SMURF1: variants seen among roughly 807,000 people sequenced by gnomAD.
SMURF1 encodes SMAD specific E3 ubiquitin protein ligase 1.
A neutral mutation model predicts 98.0 loss-of-function variants in SMURF1; 44 were observed. The observed-to-expected ratio is 0.45, with a 90% CI of 0.35 to 0.58. The LOEUF (loss-of-function observed/expected upper bound fraction) is 0.58. SMURF1 is among the 20% of genes least tolerant of loss of function. The pLI, the probability that SMURF1 is intolerant of heterozygous loss-of-function variation, is 0.00. For synonymous variants in SMURF1, 396 were observed against 374.9 expected, an observed-to-expected ratio of 1.06 and a Z score of -0.65; for missense variants, 687 against 938.4, an observed-to-expected ratio of 0.73 and a Z score of 3.50.
intron 11 of SMURF1, 143 bp downstream of exon 11, chr7:99,045,555 A>C: frequency 1.6e-6 from 1 of 638,352 alleles, no homozygotes; most frequent in Non-Finnish European, 2.8e-6. Flanking sequence ...GGCTGAAGCC[A>C]GTGCATGATG....
rs1175863268 is a variant in SMURF1, at chr7:99,042,210, G to A, written c.1279C>T (p.His427Tyr). ...VAREWLYLLC[H>Y]EMLNPYYGLF... ...CCGTAATAAGGATTCAGCATTTCAT[G>A]GCACAGCAAGTAAAGCCACTCCCTG... The change falls in exon 12 of 18, where the codon CAT becomes TAT. Residue 427 changes from histidine (H) to tyrosine (Y), a missense_variant. His to Tyr is a moderately conservative substitution (Grantham distance 83). Coordinates refer to ENST00000361368, the MANE Select transcript of SMURF1 (RefSeq NM_181349.3). 6.2e-7 allele frequency: 1 copy of A among 1,613,612 alleles called. No homozygotes were observed. Among genetic ancestry groups the A allele is most frequent in the Non-Finnish European group, 8.5e-7 (1 of 1,179,842 alleles).
rs1255476219 is a variant in SMURF1 at position 99,047,787 on chromosome 7, C to T, written c.1049G>A (p.Arg350Lys). Residue 350 changes from arginine (R) to lysine (K), a missense_variant, in exon 10 of 18, where the codon AGA becomes AAA. Physicochemically the swap from Arg to Lys is conservative, Grantham distance 26. Transcript: ENST00000361368. ...DEELPAQRYE[R>K]DLVQKLKVLR... is the part of the protein sequence containing the mutation. The stretch of plus-strand genomic sequence containing the variant: ...GACTTTCAGCTTCTGGACTAGATCT[C>T]TTTCGTATCTCTGGGCAGGAAGCTC... 11 of 1,614,194 alleles carry T rather than the reference C, an allele frequency of 6.8e-6. No individual in the cohort carries two copies. The highest frequency in any genetic ancestry group is 7.6e-6 in the Non-Finnish European group (9 of 1,180,038).
intron 1 of SMURF1, among the ~76,000 whole-genome samples, chr7:99,106,076 AT>A (rs566350605): frequency 4.6e-5 from 7 of 152,190 alleles, no homozygotes; most frequent in Non-Finnish European, 1.0e-4. Flanking sequence ...TACTTCTGTG[AT>A]TCTCTTCACC....
chr7:99,084,048 T>G (rs1004090159), intron 1 of SMURF1, among the ~76,000 whole-genome samples: 2 of 152,238 alleles, frequency 1.3e-5, no homozygotes, highest in African/African-American at 4.8e-5. Flanking sequence ...GTGAAGAAAC[T>G]ATCAGTCTAA....
At chr7:99,088,397 T>C (rs908943625) in intron 1 of SMURF1, among the ~76,000 whole-genome samples, 7 of 152,104 alleles carry the variant, frequency 4.6e-5, no homozygotes, top group African/African-American at 1.7e-4. Flanking sequence ...TCCACCTCCT[T>C]TACCCCTGCG....
chr7:99,030,115 TGATAA>T lies in SMURF1; in HGVS notation c.*464_*468del, dbSNP rs376105275. 1 of 156,660 alleles carries T rather than the reference TGATAA, an allele frequency of 6.4e-6. No homozygotes were observed. Among genetic ancestry groups the T allele is most frequent in the South Asian group, 1.9e-4 (1 of 5,192 alleles). The allele number at this position is 156,660 out of a possible 1,614,324, so 9.7% of individuals were successfully genotyped here. A position where few individuals can be genotyped will look rare whatever the true frequency, so the allele number is the denominator to read the frequency against. On this transcript the variant is annotated 3_prime_UTR_variant, in exon 18 of 18. Transcript: ENST00000361368. ...GATGTGAAATCTGGAATCTGAGCTC[TGATAA>T]GATATCTAGCAGCTGCTCAAATTGA...
chr7:99,041,791 G>A (rs577325851), intron 12 of SMURF1, among the ~76,000 whole-genome samples: 30 of 152,292 alleles, frequency 2.0e-4, no homozygotes, highest in Non-Finnish European at 3.2e-4. Context: ...GCTGGACTTC[G>A]GAACCTACTC....
chr7:99,042,307 TCTCA>T (rs1795416748), intron 11 of SMURF1, 75 bp from the exon 12 acceptor site: 2 of 968,632 alleles, frequency 2.1e-6, no homozygotes, highest in Admixed American at 2.0e-5. Context: ...TGAGATGGAG[TCTCA>T]CTCTGTCGCC....
At chr7:99,069,452 G>A (rs543559997) in intron 1 of SMURF1, among the ~76,000 whole-genome samples, 1 of 152,182 alleles carries the variant, frequency 6.6e-6, no homozygotes, top group East Asian at 1.9e-4. Context: ...TCGAACTCCT[G>A]GGCTCCAGTG....
At chr7:99,035,363 C>T (rs970764707) in intron 16 of SMURF1, 152 bp downstream of exon 16, 32 of 988,206 alleles carry the variant, frequency 3.2e-5, no homozygotes, top group Admixed American at 4.8e-5. Flanking sequence ...AGGTAACCAC[C>T]TCTGTAGGGC....
chr7:99,041,281 G>C (rs1795370147), intron 12 of SMURF1, among the ~76,000 whole-genome samples: 1 of 151,966 alleles, frequency 6.6e-6, no homozygotes, highest in African/African-American at 2.4e-5. Context: ...AGGGGTCTGT[G>C]ATCCCAGCTA....
intron 1 of SMURF1, among the ~76,000 whole-genome samples, chr7:99,119,929 C>A (rs117515999): frequency 6.6e-6 from 1 of 152,130 alleles, no homozygotes; most frequent in Non-Finnish European, 1.5e-5. Flanking sequence ...CATGGTGATA[C>A]GGTTTGGATA....
intron 16 of SMURF1, among the ~76,000 whole-genome samples, chr7:99,035,002 C>T (rs928875400): frequency 1.3e-5 from 2 of 152,230 alleles, no homozygotes; most frequent in Non-Finnish European, 2.9e-5. Context: ...GACATTAGGC[C>T]GCCTGCCCTA....
rs71118659 is a variant in SMURF1, at chr7:99,113,837, T to TAA, written c.55+29887_55+29888dup. Reference sequence around the variant, plus strand: ...CTGGGTGACAAAGTGAGACTCCGTCTAAAAAAAAAAAAAAAAAAAAAAAAA... The same window carrying TAA: ...CTGGGTGACAAAGTGAGACTCCGTCTAAAAAAAAAAAAAAAAAAAAAAAAAAA... On this transcript the variant is annotated intron_variant, in intron 1 of 17. Transcript: ENST00000361368. Among the ~76,000 whole-genome samples the TAA allele has an allele frequency of 3.1e-3, 105 of 33,974 alleles. 4 individuals are homozygous for TAA. Among genetic ancestry groups the TAA allele is most frequent in the Non-Finnish European group, 4.4e-3 (92 of 21,142 alleles). 22.3% of individuals were successfully genotyped at this position (33,974 alleles called of 152,430 possible).
At chr7:99,056,092 T>C (rs1795869997) in intron 5 of SMURF1, among the ~76,000 whole-genome samples, 1 of 152,238 alleles carries the variant, frequency 6.6e-6, no homozygotes. Flanking sequence ...GTTACTCATT[T>C]TTCTCCCTGG....
intron 1 of SMURF1, among the ~76,000 whole-genome samples, chr7:99,126,646 C>T (rs775537842): frequency 5.3e-5 from 8 of 151,838 alleles, no homozygotes; most frequent in African/African-American, 9.7e-5. Flanking sequence ...CAGAGCGAGA[C>T]GCCATCTCAG....
At chr7:99,116,210 AT>A (rs202079441) in intron 1 of SMURF1, among the ~76,000 whole-genome samples, 8 of 146,842 alleles carry the variant, frequency 5.4e-5, no homozygotes, top group Admixed American at 2.8e-4. Flanking sequence ...GATGCAGAAC[AT>A]TTTTTTTGAC....
intron 1 of SMURF1, among the ~76,000 whole-genome samples, chr7:99,063,259 ATATATATATATATAT>A (rs1796094953): frequency 1.6e-4 from 1 of 6,310 alleles, no homozygotes; most frequent in Non-Finnish European, 4.0e-4. Context: ...ATATATATAT[ATATATATATATATAT>A]ATATATATAT....
At position 99,078,418 on chromosome 7, in the gene SMURF1, A is replaced by G. The variant is rs1341895432; in HGVS notation, c.56-16581T>C. ...GGACTGCCTCTTCTTTGCTATACCA[A>G]TAGTAATGACAGAATAGATATTTAA... On this transcript the variant is annotated intron_variant, in intron 1 of 17. Transcript: ENST00000361368. Among the ~76,000 whole-genome samples the G allele has an allele frequency of 2.0e-5, 3 of 152,214 alleles. 1 individual carries two copies. The highest frequency in any genetic ancestry group is 6.5e-5 in the Admixed American group (1 of 15,286).
Sources: gnomAD v4.1 joint callset for allele counts (sites outside exome capture counted in the v4.1 genomes callset) on GRCh38, gnomAD v4.1.1 for gene constraint, MANE v1.5 for transcripts, NCBI Gene and HGNC (gene_info 2026-07-23, HGNC 2026-07-21) for gene names.